The following IL1RAPL1 variants were observed in gnomAD, a reference collection of about 807,000 sequenced individuals.
IL1RAPL1 encodes interleukin-1 receptor accessory protein-like 1.
A neutral mutation model predicts 48.4 loss-of-function variants in IL1RAPL1; 3 were observed. That is an observed-to-expected ratio of 0.06 (90% CI 0.03 to 0.16). IL1RAPL1 has a LOEUF of 0.16. IL1RAPL1 is among the 10% of genes least tolerant of loss of function. IL1RAPL1 has a pLI of 1.00. For missense variants in IL1RAPL1, 349 were observed against 530.6 expected (o/e 0.66, Z 3.36); for synonymous variants, 185 against 187.7 (o/e 0.99, Z 0.12).
At position 29,793,824 on chromosome X, in the gene IL1RAPL1, CT is replaced by C. The variant is rs1445759893; in HGVS notation, c.779-123639del. Among the ~76,000 whole-genome samples the C allele has an allele frequency of 8.9e-5, 10 of 112,072 alleles. No homozygotes were observed. The East Asian group carries it at 2.8e-3, about 31-fold the overall frequency. On this transcript the variant is annotated intron_variant, in intron 6 of 10. Transcript: ENST00000378993. ...GAAGCATAGGGTTGGACTTTGTGCACTGAAACAGTTATATATTTTCCGTAGC... is the reference window on the plus strand; with the variant it reads ...GAAGCATAGGGTTGGACTTTGTGCACGAAACAGTTATATATTTTCCGTAGC...
chrX:29,843,173 A>G lies in IL1RAPL1; in HGVS notation c.779-74291A>G, dbSNP rs151166577. On this transcript the variant is annotated intron_variant, in intron 6 of 10. Transcript: ENST00000378993. ...AATTATGAGTTCCGTACATTCACTG[A>G]TAGACAAGATGGAATGTTAGCCTTA... 4.8e-3 allele frequency among the ~76,000 whole-genome samples: 533 copies of G among 111,875 alleles called. 4 individuals carry two copies. The highest frequency in any genetic ancestry group is 0.016 in the African/African-American group (502 of 30,832).
rs758188090 is a variant in IL1RAPL1 at position 28,615,139 on chromosome X, T to C, written c.-25+27092T>C. On this transcript the variant is annotated intron_variant, in intron 1 of 10. Transcript: ENST00000378993. The stretch of plus-strand genomic sequence containing the variant: ...TCCTGACCTCGTGATCTGCCCGCCT[T>C]GGCCTCCTAAAGTGCTGAGATTACA... 2.4e-3 allele frequency among the ~76,000 whole-genome samples: 252 copies of C among 105,319 alleles called. 1 individual carries two copies. The highest frequency in any genetic ancestry group is 3.8e-3 in the Non-Finnish European group (195 of 51,756). 91.5% of individuals were successfully genotyped at this position (105,319 alleles called of 115,157 possible). A position where few individuals can be genotyped will look rare whatever the true frequency, so the allele number is the denominator to read the frequency against.
intron 2 of IL1RAPL1, among the ~76,000 whole-genome samples, chrX:28,851,556 T>C (rs1308880226): frequency 8.9e-6 from 1 of 111,967 alleles, no homozygotes; most frequent in Non-Finnish European, 1.9e-5. Flanking sequence ...AATGCTGATT[T>C]TATAATGTCA....
chrX:29,147,564 C>T (rs1929375770), intron 2 of IL1RAPL1, among the ~76,000 whole-genome samples: 2 of 111,253 alleles, frequency 1.8e-5, no homozygotes, highest in Non-Finnish European at 3.8e-5. Flanking sequence ...GAACTATAAC[C>T]AAATTCCCAT....
chrX:29,243,801 AGTTTCACCAGGG>A (rs1447528960), intron 2 of IL1RAPL1, among the ~76,000 whole-genome samples: 1 of 111,464 alleles, frequency 9.0e-6, no homozygotes, highest in Non-Finnish European at 1.9e-5. Flanking sequence ...GACTGTACTG[AGTTTCACCAGGG>A]GTTTCACCAA....
In IL1RAPL1 at chrX:29,746,382, A is replaced by T. The variant is rs757274650; in HGVS notation, c.778+77878A>T. 2.7e-5 allele frequency among the ~76,000 whole-genome samples: 3 copies of T among 111,940 alleles called. No homozygotes were observed. In the East Asian group the frequency reaches 8.4e-4, roughly 31 times the overall value. On this transcript the variant is annotated intron_variant, in intron 6 of 10. Transcript: ENST00000378993. ...TTTGATAATAAGCATAATTTAATGAATAATTTTCTGAATGAGTCATTTCTT... is the reference window on the plus strand; with the variant it reads ...TTTGATAATAAGCATAATTTAATGATTAATTTTCTGAATGAGTCATTTCTT...
intron 3 of IL1RAPL1, among the ~76,000 whole-genome samples, chrX:29,361,774 G>T (rs1933380160): frequency 8.9e-6 from 1 of 112,140 alleles, no homozygotes; most frequent in Non-Finnish European, 1.9e-5. Flanking sequence ...ATTTATGTAT[G>T]TGGACATTTT....
intron 2 of IL1RAPL1, among the ~76,000 whole-genome samples, chrX:29,087,508 A>G (rs1307314972): frequency 1.8e-5 from 2 of 111,613 alleles, no homozygotes; most frequent in African/African-American, 6.5e-5. Context: ...TGTTATTATT[A>G]GAGACCAAGG....
Position 29,300,864 on chromosome X carries a change from A to G in IL1RAPL1, c.362+17647A>G, listed in dbSNP as rs999529698. On this transcript the variant is annotated intron_variant, in intron 3 of 10. Coordinates refer to ENST00000378993, the MANE Select transcript of IL1RAPL1 (RefSeq NM_014271.4). ...TGCTTAATCTCTGAATGTTGTTTTC[A>G]TTCATTAGGTGAATATGACAGCTCT... Among the ~76,000 whole-genome samples, 31 of 111,990 alleles carry G rather than the reference A, an allele frequency of 2.8e-4. 1 individual carries two copies. Among genetic ancestry groups the G allele is most frequent in the Admixed American group, 2.7e-3 (28 of 10,553 alleles).
At chrX:29,413,587 G>A (rs1483867533) in intron 5 of IL1RAPL1, among the ~76,000 whole-genome samples, 1 of 101,808 alleles carries the variant, frequency 9.8e-6, no homozygotes, top group Non-Finnish European at 2.0e-5. Flanking sequence ...TCCCACCTAT[G>A]AGTGAGAACA....
At chrX:29,605,037 G>A (rs1459314445) in intron 5 of IL1RAPL1, among the ~76,000 whole-genome samples, 1 of 100,954 alleles carries the variant, frequency 9.9e-6, no homozygotes, top group Non-Finnish European at 2.0e-5. Flanking sequence ...GACTTTTTGG[G>A]AGATGCTTCT....
At chrX:28,869,464 G>T (rs1922155017) in intron 2 of IL1RAPL1, among the ~76,000 whole-genome samples, 1 of 68,544 alleles carries the variant, frequency 1.5e-5, no homozygotes, top group Non-Finnish European at 2.7e-5. Flanking sequence ...GCTGAATAAA[G>T]TATACCTTGA....
intron 2 of IL1RAPL1, among the ~76,000 whole-genome samples, chrX:28,824,303 A>G (rs975458601): frequency 9.0e-6 from 1 of 110,910 alleles, no homozygotes; most frequent in Non-Finnish European, 1.9e-5. Flanking sequence ...TGTATTCTCA[A>G]CATACTTTAT....
chrX:29,166,362 T>C (rs921502226), intron 2 of IL1RAPL1, among the ~76,000 whole-genome samples: 9 of 112,298 alleles, frequency 8.0e-5, no homozygotes, highest in African/African-American at 2.9e-4. Context: ...GAAGTCATCA[T>C]GCAATAGTCC....
chrX:29,903,196 G>GAGAGAGAGAGAGAGAGAGACAGAGAC (rs746194201), intron 6 of IL1RAPL1, among the ~76,000 whole-genome samples: 1 of 108,617 alleles, frequency 9.2e-6, no homozygotes, highest in Non-Finnish European at 1.9e-5. Flanking sequence ...GAGAGAGAGA[G>GAGAGAGAGAGAGAGAGAGACAGAGAC]AGAGAGAGAC....
intron 1 of IL1RAPL1, among the ~76,000 whole-genome samples, chrX:28,674,859 G>A (rs2146916333): frequency 8.9e-6 from 1 of 111,745 alleles, no homozygotes; most frequent in South Asian, 3.7e-4. Flanking sequence ...AATTGAACTT[G>A]AAAAATATCC....
chrX:29,794,435 A>G (rs1452523165), intron 6 of IL1RAPL1, among the ~76,000 whole-genome samples: 1 of 112,190 alleles, frequency 8.9e-6, no homozygotes, highest in Non-Finnish European at 1.9e-5. Flanking sequence ...GAATTCTACA[A>G]TTAGAGACAG....
intron 5 of IL1RAPL1, among the ~76,000 whole-genome samples, chrX:29,616,733 A>T (rs1488881757): frequency 9.0e-6 from 1 of 111,052 alleles, no homozygotes; most frequent in East Asian, 2.8e-4. Flanking sequence ...GGTGTGCACT[A>T]AACTTGCCAC....
At chrX:28,712,748 C>A (rs988437323) in intron 1 of IL1RAPL1, among the ~76,000 whole-genome samples, 1 of 110,890 alleles carries the variant, frequency 9.0e-6, no homozygotes, top group Non-Finnish European at 1.9e-5. Context: ...ATAATAAGAA[C>A]CCAAACCAAG....
Sources: gnomAD v4.1 joint callset for allele counts (sites outside exome capture counted in the v4.1 genomes callset) on GRCh38, gnomAD v4.1.1 for gene constraint, MANE v1.5 for transcripts, NCBI Gene and HGNC (gene_info 2026-07-23, HGNC 2026-07-21) for gene names.